Variants in SMCO2 observed in about 807,000 individuals in gnomAD.
SMCO2 encodes the protein single-pass membrane protein with coiled-coil domains 2.
A neutral mutation model predicts 29.5 loss-of-function variants in SMCO2; 25 were observed. The ratio of observed to expected loss-of-function variants is 0.85; its 90% CI spans 0.62 to 1.18. The LOEUF is 1.18. Ranked by LOEUF, SMCO2 falls within the 50% of genes most tolerant of loss-of-function variation. The pLI is 0.00. For missense variants in SMCO2, 348 were observed against 344.5 expected, an observed-to-expected ratio of 1.01 and a Z score of -0.08; for synonymous variants, 117 against 123.3, an observed-to-expected ratio of 0.95 and a Z score of 0.34.
chr12:27,433,772 T>G, the SMCO2 span, among the ~76,000 whole-genome samples: 1 of 152,248 alleles, frequency 6.6e-6, no homozygotes, highest in African/African-American at 2.4e-5. Context: ...CGTTCTTCCT[T>G]TAACTCTAGA....
the SMCO2 span, among the ~76,000 whole-genome samples, chr12:27,437,921 G>A: frequency 3.9e-5 from 6 of 152,048 alleles, no homozygotes; most frequent in Non-Finnish European, 8.8e-5. Flanking sequence ...AACCTGCTCT[G>A]TTTACTCTGA....
exon 3 of SMCO2, chr12:27,472,784 A>C (rs1273989948): frequency 1.3e-6 from 2 of 1,550,570 alleles, no homozygotes; most frequent in Non-Finnish European, 1.7e-6. Flanking sequence ...AGTTTGCTAA[A>C]GGAAATTATC....
At chr12:27,472,683 C>A in intron 2 of SMCO2, 93 bp from the exon 3 acceptor site, 1 of 870,980 alleles carries the variant, frequency 1.1e-6, no homozygotes, top group Non-Finnish European at 1.8e-6. Flanking sequence ...TGGGGAAGAT[C>A]TCAGTGTTCT....
chr12:27,481,206 C>T (rs578132948), intron 4 of SMCO2, among the ~76,000 whole-genome samples: 17 of 152,308 alleles, frequency 1.1e-4, no homozygotes, highest in Non-Finnish European at 1.6e-4. Context: ...AAAATGGTGC[C>T]GTGCTGCAGT....
intron 4 of SMCO2, among the ~76,000 whole-genome samples, chr12:27,485,610 A>T (rs1949683067): frequency 1.3e-5 from 2 of 151,462 alleles, no homozygotes; most frequent in Admixed American, 6.6e-5. Context: ...TACCTGATTA[A>T]TTTTTTTAGT....
chr12:27,469,486 G>A (rs1181239729), intron 1 of SMCO2, among the ~76,000 whole-genome samples: 1 of 152,122 alleles, frequency 6.6e-6, no homozygotes. Context: ...CCTTCTCCCT[G>A]ATTATTCCTC....
chr12:27,461,234 T>C, the SMCO2 span, among the ~76,000 whole-genome samples: 1 of 152,208 alleles, frequency 6.6e-6, no homozygotes, highest in South Asian at 2.1e-4. Flanking sequence ...TATTGTTGTA[T>C]TGTTATTTTA....
upstream of SMCO2, among the ~76,000 whole-genome samples, chr12:27,464,360 A>T (rs960022330): frequency 6.6e-6 from 1 of 152,088 alleles, no homozygotes; most frequent in Non-Finnish European, 1.5e-5. Context: ...AGTGGGAAGG[A>T]GCTGAGGAAG....
the SMCO2 span, chr12:27,425,171 C>T: frequency 1.3e-5 from 2 of 151,174 alleles, no homozygotes; most frequent in African/African-American, 2.4e-5. Flanking sequence ...CACTTGTGCT[C>T]GTCTGTATAT....
At chr12:27,437,067 C>G in the SMCO2 span, among the ~76,000 whole-genome samples, 1 of 151,938 alleles carries the variant, frequency 6.6e-6, no homozygotes, top group African/African-American at 2.4e-5. Context: ...AGGAAATCAC[C>G]AAAAAAGAAA....
chr12:27,461,091 G>A, the SMCO2 span, among the ~76,000 whole-genome samples: 2 of 152,092 alleles, frequency 1.3e-5, no homozygotes, highest in African/African-American at 4.8e-5. Context: ...ATAAAATGGT[G>A]TAGTATTTGC....
chr12:27,442,788 T>G, the SMCO2 span, among the ~76,000 whole-genome samples: 1 of 152,154 alleles, frequency 6.6e-6, no homozygotes, highest in Non-Finnish European at 1.5e-5. Context: ...ACCCAGCCAA[T>G]TTTTGGATTT....
chr12:27,470,858 T>TATGCAAACTG, intron 2 of SMCO2, 93 bp downstream of exon 2: 1 of 1,394,916 alleles, frequency 7.2e-7, no homozygotes. Flanking sequence ...GATTTCCAGG[T>TATGCAAACTG]TCAGAGTCTA....
At chr12:27,498,264 A>G (rs1943035539) in intron 7 of SMCO2, 2 of 240,396 alleles carry the variant, frequency 8.3e-6, no homozygotes, top group Non-Finnish European at 1.7e-5. Flanking sequence ...GCCAGTATCA[A>G]TGATCAGATG....
the SMCO2 span, chr12:27,446,770 T>C: frequency 0.74 from 111,787 of 151,470 alleles, 41,933 homozygotes; most frequent in African/African-American, 0.85. Context: ...CCTGAGGCCC[T>C]TGGGGAGCTT....
intron 3 of SMCO2, 36 bp downstream of exon 3, chr12:27,472,911 A>G: frequency 7.1e-7 from 1 of 1,417,792 alleles, no homozygotes; most frequent in Non-Finnish European, 9.7e-7. Flanking sequence ...AGACACTTAA[A>G]TGACACAGTA....
chr12:27,472,930 A>G (rs1949553474), intron 3 of SMCO2, 55 bp downstream of exon 3: 3 of 1,293,326 alleles, frequency 2.3e-6, no homozygotes, highest in Non-Finnish European at 3.3e-6. Flanking sequence ...TAGGTTGAAG[A>G]GAAGAACTTC....
chr12:27,481,360 A>C (rs1949641962), intron 4 of SMCO2, among the ~76,000 whole-genome samples: 1 of 152,360 alleles, frequency 6.6e-6, no homozygotes, highest in Non-Finnish European at 1.5e-5. Flanking sequence ...GCAGAAGTTG[A>C]ATGTGGACCA....
the SMCO2 span, among the ~76,000 whole-genome samples, chr12:27,439,184 T>C: frequency 6.6e-6 from 1 of 152,170 alleles, no homozygotes; most frequent in African/African-American, 2.4e-5. Context: ...CCAGAAACTC[T>C]GCTCTGTAAC....
Sources: gnomAD v4.1 joint callset for allele counts (sites outside exome capture counted in the v4.1 genomes callset) on GRCh38, gnomAD v4.1.1 for gene constraint, MANE v1.5 for transcripts, NCBI Gene and HGNC (gene_info 2026-07-23, HGNC 2026-07-21) for gene names.